The following P3H4 variants were observed in gnomAD, a reference collection of about 807,000 sequenced individuals.
P3H4 encodes prolyl 3-hydroxylase family member 4 (inactive).
Under a neutral mutation model 52.9 loss-of-function variants are expected in P3H4, and 47 were observed. That is an observed-to-expected ratio of 0.89 (90% CI 0.70 to 1.13). P3H4 has a LOEUF of 1.13. P3H4 is among the 50% of genes most tolerant of loss of function. The probability of loss-of-function intolerance (pLI) is 0.00; values close to 1 mark genes in which losing one functional copy is unlikely to be tolerated. For missense variants in P3H4, 585 were observed against 611.0 expected (o/e 0.96, Z 0.45); for synonymous variants, 256 against 267.9 (o/e 0.96, Z 0.44).
chr17:41,810,888 G>A lies in P3H4; in HGVS notation c.762C>T (p.Phe254=), dbSNP rs142576139. 61 of 1,613,898 alleles carry A rather than the reference G, an allele frequency of 3.8e-5. No homozygotes were observed. Among genetic ancestry groups the A allele is most frequent in the Admixed American group, 5.0e-5 (3 of 59,978 alleles). ...CTGCTATGGCCGGGTAGAAGTCCTT[G>A]AAGTCCACCTGCTCATGGGCCCCTT... The part of the protein sequence containing the change: ...GCEGAHEQVD[F]KDFYPAIADL... The change falls in exon 3 of 8, where the codon TTC becomes TTT. Residue 254 remains phenylalanine, a synonymous_variant. Coordinates refer to ENST00000393928, the MANE Select transcript of P3H4 (RefSeq NM_006455.3).
chr17:41,810,932 G>T lies in P3H4; in HGVS notation c.718C>A (p.Arg240=), dbSNP rs139974053. 6.2e-7 allele frequency: 1 copy of T among 1,614,036 alleles called. No homozygotes were observed. The highest frequency in any genetic ancestry group is 1.3e-5 in the African/African-American group (1 of 74,916). ...ALSEYLAVFA[R]CLAGCEGAHE... is the part of the protein sequence containing the mutation. ...GCCCCTTCACAGCCGGCCAGGCACC[G>T]GGCAAAGACTGCCAGGTACTCTGAC... The change falls in exon 3 of 8, where the codon CGG becomes AGG. Residue 240 remains arginine, a synonymous_variant. Coordinates refer to ENST00000393928, the MANE Select transcript of P3H4 (RefSeq NM_006455.3).
chr17:41,811,499 G>T lies in P3H4; in HGVS notation c.417C>A (p.Phe139Leu). Residue 139 changes from phenylalanine to leucine, a missense_variant, in exon 1 of 8, where the codon TTC becomes TTA. Phe to Leu is a conservative substitution (Grantham distance 22, BLOSUM62 0). Transcript: ENST00000393928. The surrounding 1 kb of genome is among the most constrained non-coding windows in gnomAD (Gnocchi z 4.8). The part of the protein sequence containing the change: ...PYPPRQLLRD[F>L]QSRLPYQYLH... Reference sequence around the variant, plus strand: ...GGTACTGGTAGGGCAGGCGGCTCTGGAAGTCACGCAGCAGCTGCCGCGGCG... The same window carrying T: ...GGTACTGGTAGGGCAGGCGGCTCTGTAAGTCACGCAGCAGCTGCCGCGGCG... 1 of 1,611,968 alleles carries T rather than the reference G, an allele frequency of 6.2e-7. No homozygotes were observed. Among genetic ancestry groups the T allele is most frequent in the Non-Finnish European group, 8.5e-7 (1 of 1,179,666 alleles).
rs142117354 is a variant in P3H4 at position 41,804,614 on chromosome 17, T to A, written c.1147-1183A>T. Among the ~76,000 whole-genome samples the A allele has an allele frequency of 3.4e-3, 512 of 151,056 alleles. 6 individuals are homozygous for A. Among genetic ancestry groups the A allele is most frequent in the African/African-American group, 0.012 (501 of 41,092 alleles). On this transcript the variant is annotated intron_variant, in intron 6 of 7. Coordinates refer to ENST00000393928, the MANE Select transcript of P3H4 (RefSeq NM_006455.3). ...CTGCACTCCAGCCTGGATGACAGAG[T>A]GAGACTCGGCTGTCATTCACTGTGC... is the stretch of plus-strand genomic sequence containing the variant.
chr17:41,809,748 C>G lies in P3H4; in HGVS notation c.874G>C (p.Val292Leu). 6.2e-7 allele frequency: 1 copy of G among 1,613,780 alleles called. No homozygotes were observed. Among genetic ancestry groups the G allele is most frequent in the Non-Finnish European group, 8.5e-7 (1 of 1,179,976 alleles). Residue 292 changes from valine to leucine, a missense_variant, in exon 4 of 8, where the codon GTG becomes CTG. Transcript: ENST00000393928. ...TGCAGGTAGTGGTACATGGTGGCCACGAACTTGTCCACGAAGTAGCCACCC... is the reference window on the plus strand; with the variant it reads ...TGCAGGTAGTGGTACATGGTGGCCAGGAACTTGTCCACGAAGTAGCCACCC... ...NVGGYFVDKFVATMYHYLQFA... is the reference protein window; with the variant it reads ...NVGGYFVDKFLATMYHYLQFA...
chr17:41,810,772 T>A, intron 3 of P3H4, 91 bp downstream of exon 3: 1 of 1,468,470 alleles, frequency 6.8e-7, no homozygotes, highest in South Asian at 1.3e-5. Flanking sequence ...CTCCTCCGCA[T>A]TCGCAGTGCT....
chr17:41,802,963 G>C lies in P3H4; in HGVS notation c.1308C>G (p.Leu436=), dbSNP rs1567846765. ...GGTGTGGGGTGTCCCCTTCTCATGC[G>C]AGTTCAGGCTCTGGCTCTGAAAAGG... The part of the protein sequence containing the change: ...DEAEAEPEPE[L]A Residue 436 remains leucine, a synonymous_variant, in exon 8 of 8, where the codon CTC becomes CTG. Transcript: ENST00000393928. The C allele has an allele frequency of 6.2e-7, 1 of 1,611,388 alleles. No homozygotes were observed. Among genetic ancestry groups the C allele is most frequent in the Non-Finnish European group, 8.5e-7 (1 of 1,179,202 alleles).
Position 41,801,999 on chromosome 17 carries a change from G to A in P3H4, c.*958C>T, listed in dbSNP as rs1331218937. ...TTGAGCACCTACTGGTCAGGGCCCT[G>A]GAACCACTAGACTCTTAGTCCAGTG... is the stretch of plus-strand genomic sequence containing the variant. On this transcript the variant is annotated 3_prime_UTR_variant, in exon 8 of 8. Transcript: ENST00000393928. The A allele has an allele frequency of 6.6e-6, 1 of 152,476 alleles. No homozygotes were observed. Among genetic ancestry groups the A allele is most frequent in the Admixed American group, 6.5e-5 (1 of 15,272 alleles). The allele number at this position is 152,476 out of a possible 1,614,324, so 9.4% of individuals were successfully genotyped here. A position where few individuals can be genotyped will look rare whatever the true frequency, so the allele number is the denominator to read the frequency against.
At chr17:41,806,079 C>T (rs1393326389) in intron 6 of P3H4, among the ~76,000 whole-genome samples, 4 of 151,886 alleles carry the variant, frequency 2.6e-5, no homozygotes, top group East Asian at 1.9e-4. Context: ...ATTAGCCAGG[C>T]GTGGTGGTGC....
intron 6 of P3H4, among the ~76,000 whole-genome samples, chr17:41,804,386 G>A (rs1555613911): frequency 6.6e-6 from 1 of 152,148 alleles, no homozygotes; most frequent in Non-Finnish European, 1.5e-5. Context: ...AGCACTTTGG[G>A]AGGCTGAGGT....
At chr17:41,804,470 A>C (rs2047652431) in intron 6 of P3H4, among the ~76,000 whole-genome samples, 1 of 151,920 alleles carries the variant, frequency 6.6e-6, no homozygotes, top group Admixed American at 6.6e-5. Flanking sequence ...TCTACTAAAA[A>C]TACAAAAATT....
rs370335745 is a variant in P3H4 at position 41,811,545 on chromosome 17, G to A, written c.371C>T (p.Pro124Leu). ...ACLRRCKRTL[P>L]AFQVPYPPRQ... ...CGGCGGGTAGGGCACCTGGAAGGCG[G>A]GCAGCGTCCGCTTGCAGCGCCGCAG... The change falls in exon 1 of 8, where the codon CCC (proline) becomes CTC (leucine). Residue 124 changes from proline (P) to leucine (L), a missense_variant. By Grantham distance (98) the Pro-to-Leu change is moderately conservative. Transcript: ENST00000393928. The surrounding 1 kb of genome is among the most constrained non-coding windows in gnomAD (Gnocchi z 4.8). 9 of 1,609,998 alleles carry A rather than the reference G, an allele frequency of 5.6e-6. No homozygotes were observed. The highest frequency in any genetic ancestry group is 1.1e-5 in the South Asian group (1 of 90,810).
intron 7 of P3H4, 24 bp from the exon 8 acceptor site, chr17:41,803,003 T>C: frequency 6.2e-7 from 1 of 1,609,230 alleles, no homozygotes; most frequent in Non-Finnish European, 8.5e-7. Flanking sequence ...GAGAAAGCAC[T>C]GGGGTTGCTC....
At chr17:41,805,958 C>T (rs955193990) in intron 6 of P3H4, among the ~76,000 whole-genome samples, 4 of 152,114 alleles carry the variant, frequency 2.6e-5, no homozygotes, top group Non-Finnish European at 4.4e-5. Context: ...CGGCTGCTCA[C>T]GCCTGTAATC....
At position 41,811,582 on chromosome 17, in the gene P3H4, G is replaced by C; in HGVS notation, c.334C>G (p.Arg112Gly). 6.3e-7 allele frequency: 1 copy of C among 1,592,216 alleles called. No homozygotes were observed. The highest frequency in any genetic ancestry group is 1.1e-5 in the South Asian group (1 of 89,120). The change falls in exon 1 of 8, where the codon CGA (arginine) becomes GGA (glycine). Residue 112 changes from arginine to glycine, a missense_variant. Physicochemically the swap from Arg to Gly is moderately radical, Grantham distance 125. Coordinates refer to ENST00000393928, the MANE Select transcript of P3H4 (RefSeq NM_006455.3). This position sits in a 1 kb window ranked among gnomAD's most constrained non-coding sequence, Gnocchi z 4.8. Reference protein sequence around the residue: ...ELRLFGRVLERAACLRRCKRT... With the variant: ...ELRLFGRVLEGAACLRRCKRT... ...TTGCAGCGCCGCAGGCAGGCGGCTC[G>C]CTCCAGGACGCGGCCGAAGAGCCGC...
chr17:41,810,533 G>A (rs894355252), intron 3 of P3H4: 2 of 251,052 alleles, frequency 8.0e-6, no homozygotes, highest in Non-Finnish European at 1.5e-5. Context: ...AAGACTAGGT[G>A]TAATTTCTGG....
chr17:41,806,307 T>C (rs566536824), intron 6 of P3H4, among the ~76,000 whole-genome samples: 1 of 152,358 alleles, frequency 6.6e-6, no homozygotes, highest in East Asian at 1.9e-4. Context: ...ATTCATTCAC[T>C]GGTTCATTCA....
Position 41,803,362 on chromosome 17 carries a change from C to G in P3H4, c.1216G>C (p.Glu406Gln). The change falls in exon 7 of 8, where the codon GAG (glutamate) becomes CAG (glutamine). Residue 406 changes from glutamate (E) to glutamine (Q), a missense_variant. Coordinates refer to ENST00000393928, the MANE Select transcript of P3H4 (RefSeq NM_006455.3). ...DALSDAEFEG[E>Q]GDYEEGMYAD... ...TACATGCCCTCCTCGTAGTCACCCT[C>G]CCCCTCAAACTCGGCGTCAGATAGG... is the stretch of plus-strand genomic sequence containing the variant. 1 of 1,614,128 alleles carries G rather than the reference C, an allele frequency of 6.2e-7. No individual in the cohort carries two copies. The highest frequency in any genetic ancestry group is 8.5e-7 in the Non-Finnish European group (1 of 1,179,998).
chr17:41,806,856 CTGGTTG>C lies in P3H4; in HGVS notation c.1080_1085del (p.His360_Asn361del), dbSNP rs1476737123. 2 of 1,613,674 alleles carry C rather than the reference CTGGTTG, an allele frequency of 1.2e-6. No individual in the cohort carries two copies. The highest frequency in any genetic ancestry group is 3.3e-5 in the Admixed American group (2 of 59,974). On this transcript the variant is annotated inframe_deletion, in exon 6 of 8. Transcript: ENST00000393928. ...CCAGCAGCTCCCGCAGCTCGGCGGT[CTGGTTG>C]TGGTAGAGCATGGCCTCCTGGAAGG...
chr17:41,802,516 A>G lies in P3H4; in HGVS notation c.*441T>C, dbSNP rs575650480. The G allele has an allele frequency of 9.8e-4, 165 of 167,728 alleles. No homozygotes were observed. Among genetic ancestry groups the G allele is most frequent in the Admixed American group, 2.7e-3 (38 of 14,112 alleles). 10.4% of individuals were successfully genotyped at this position (167,728 alleles called of 1,614,324 possible). ...CCTGACCTCAAGTGATCGGCCTCTC[A>G]GTGCTGGGATTACAGGCGTGAGCCA... On this transcript the variant is annotated 3_prime_UTR_variant, in exon 8 of 8. Coordinates refer to ENST00000393928, the MANE Select transcript of P3H4 (RefSeq NM_006455.3).
Sources: gnomAD v4.1 joint callset for allele counts (sites outside exome capture counted in the v4.1 genomes callset) on GRCh38, gnomAD v4.1.1 for gene constraint, Gnocchi (gnomAD v3.1) non-coding constraint, MANE v1.5 for transcripts, NCBI Gene and HGNC (gene_info 2026-07-23, HGNC 2026-07-21) for gene names.